MRPS27: variants seen among roughly 807,000 people sequenced by gnomAD.
MRPS27 encodes the protein small ribosomal subunit protein mS27.
In MRPS27, 43 loss-of-function variants were observed where a neutral mutation model predicts 48.9. The observed-to-expected ratio is 0.88, with a 90% CI of 0.69 to 1.13. The LOEUF is 1.13. MRPS27 is among the 50% of genes most tolerant of loss of function. The probability of loss-of-function intolerance (pLI) is 0.00; values close to 1 mark genes in which losing one functional copy is unlikely to be tolerated. For synonymous variants in MRPS27, 188 were observed against 171.9 expected, an observed-to-expected ratio of 1.09 and a Z score of -0.73; for missense variants, 467 against 476.3, an observed-to-expected ratio of 0.98 and a Z score of 0.18.
intron 4 of MRPS27, among the ~76,000 whole-genome samples, chr5:72,265,635 A>C (rs1229636331): frequency 6.6e-6 from 1 of 152,246 alleles, no homozygotes; most frequent in Non-Finnish European, 1.5e-5. Flanking sequence ...CTTCTAAGCC[A>C]GTAAATGATA....
intron 4 of MRPS27, among the ~76,000 whole-genome samples, chr5:72,274,268 C>T (rs1406059631): frequency 6.6e-6 from 1 of 152,192 alleles, no homozygotes; most frequent in Non-Finnish European, 1.5e-5. Context: ...GCAGGAGAAT[C>T]GCTTGAACCC....
rs192050262 is a variant in MRPS27 at position 72,273,444 on chromosome 5, A to C, written c.281+22087T>G. Among the ~76,000 whole-genome samples the C allele has an allele frequency of 1.1e-3, 170 of 152,318 alleles. 2 individuals are homozygous for C. The highest frequency in any genetic ancestry group is 2.8e-4 in the Non-Finnish European group (19 of 68,032). ...CTCACTCTCTGAGAAATGTGTTGTT[A>C]GTGATTTTGTTGTGTGAACATCACA... On this transcript the variant is annotated intron_variant, in intron 4 of 10. Coordinates refer to ENST00000261413, the MANE Select transcript of MRPS27 (RefSeq NM_015084.3).
Position 72,228,283 on chromosome 5 carries a change from T to C in MRPS27, c.677A>G (p.Tyr226Cys). The C allele has an allele frequency of 2.5e-6, 4 of 1,613,154 alleles. No individual in the cohort carries two copies. Among genetic ancestry groups the C allele is most frequent in the Non-Finnish European group, 3.4e-6 (4 of 1,179,222 alleles). Residue 226 changes from tyrosine (Y) to cysteine (C), a missense_variant, in exon 8 of 11, where the codon TAT (tyrosine) becomes TGT (cysteine). Tyr to Cys is a radical substitution (Grantham distance 194). Coordinates refer to ENST00000261413, the MANE Select transcript of MRPS27 (RefSeq NM_015084.3). ...TAGCTTACCAAGAAGTGCATAGCCA[T>C]ACAACTGGGAACTGAAACCCACTGA... is the stretch of plus-strand genomic sequence containing the variant. ...KNSVGFSSQL[Y>C]GYALLGKVEL...
chr5:72,306,440 A>G (rs1750270701), intron 2 of MRPS27, among the ~76,000 whole-genome samples: 1 of 152,196 alleles, frequency 6.6e-6, no homozygotes, highest in Non-Finnish European at 1.5e-5. Flanking sequence ...TTCTCCAACT[A>G]CCAGTTTCAC....
chr5:72,260,261 T>C (rs1323981772), intron 4 of MRPS27, among the ~76,000 whole-genome samples: 2 of 152,222 alleles, frequency 1.3e-5, no homozygotes, highest in Non-Finnish European at 2.9e-5. Context: ...CACAAATATT[T>C]CCTTATTGAA....
chr5:72,258,396 C>G, intron 4 of MRPS27, among the ~76,000 whole-genome samples: 1 of 152,108 alleles, frequency 6.6e-6, no homozygotes, highest in East Asian at 1.9e-4. Context: ...TATGAATCAC[C>G]TTGTTTTCAT....
intron 4 of MRPS27, among the ~76,000 whole-genome samples, chr5:72,284,639 A>G (rs534410810): frequency 1.3e-5 from 2 of 152,306 alleles, no homozygotes; most frequent in African/African-American, 4.8e-5. Flanking sequence ...AAAGAAACCA[A>G]TGTTACCAGT....
At chr5:72,264,045 G>A (rs1401439235) in intron 4 of MRPS27, among the ~76,000 whole-genome samples, 1 of 152,004 alleles carries the variant, frequency 6.6e-6, no homozygotes, top group Non-Finnish European at 1.5e-5. Context: ...TACATACAAA[G>A]GAATATTATT....
At chr5:72,284,642 T>A (rs1216131807) in intron 4 of MRPS27, among the ~76,000 whole-genome samples, 2 of 152,168 alleles carry the variant, frequency 1.3e-5, no homozygotes. Context: ...GAAACCAATG[T>A]TACCAGTTTT....
At chr5:72,229,737 C>G (rs1748003627) in intron 7 of MRPS27, among the ~76,000 whole-genome samples, 1 of 152,056 alleles carries the variant, frequency 6.6e-6, no homozygotes, top group African/African-American at 2.4e-5. Context: ...TAAAGGACTT[C>G]AAAAAAGATG....
chr5:72,275,205 C>G (rs757758484), intron 4 of MRPS27, among the ~76,000 whole-genome samples: 1 of 152,078 alleles, frequency 6.6e-6, no homozygotes, highest in Non-Finnish European at 1.5e-5. Flanking sequence ...AATCAATGCA[C>G]AAAAATCACA....
At chr5:72,223,278 GTGGCATTATAGTGTCTAAC>G (rs1747801065) in intron 10 of MRPS27, among the ~76,000 whole-genome samples, 2 of 152,210 alleles carry the variant, frequency 1.3e-5, no homozygotes, top group African/African-American at 4.8e-5. Flanking sequence ...ACACTCAAAT[GTGGCATTATAGTGTCTAAC>G]TGGGTTTTTA....
intron 4 of MRPS27, among the ~76,000 whole-genome samples, chr5:72,258,858 C>G (rs1051935909): frequency 6.6e-6 from 1 of 152,168 alleles, no homozygotes; most frequent in Non-Finnish European, 1.5e-5. Flanking sequence ...AATAAAATAG[C>G]TTAGCTATAG....
intron 4 of MRPS27, among the ~76,000 whole-genome samples, chr5:72,278,186 T>C (rs1749431712): frequency 6.6e-6 from 1 of 152,174 alleles, no homozygotes; most frequent in Admixed American, 6.5e-5. Context: ...CTCATGCCTG[T>C]AATCCCAGCA....
chr5:72,256,252 G>T (rs1320985898), intron 4 of MRPS27, among the ~76,000 whole-genome samples: 2 of 152,092 alleles, frequency 1.3e-5, no homozygotes, highest in Non-Finnish European at 2.9e-5. Flanking sequence ...TCACCTACAG[G>T]CTTATGCAGA....
chr5:72,244,809 G>A (rs568262750), intron 4 of MRPS27, among the ~76,000 whole-genome samples: 7 of 152,032 alleles, frequency 4.6e-5, no homozygotes, highest in African/African-American at 1.7e-4. Flanking sequence ...CTATCTTAAA[G>A]ATGACATCTC....
chr5:72,270,197 A>G (rs1197094162), intron 4 of MRPS27, among the ~76,000 whole-genome samples: 2 of 24,642 alleles, frequency 8.1e-5, no homozygotes, highest in East Asian at 2.9e-3. Flanking sequence ...CCATCTCAAT[A>G]ATAATAATAA....
intron 4 of MRPS27, among the ~76,000 whole-genome samples, chr5:72,259,031 C>T (rs924201814): frequency 6.6e-6 from 1 of 152,154 alleles, no homozygotes; most frequent in Non-Finnish European, 1.5e-5. Flanking sequence ...TCCCCCTCCC[C>T]CAACCATGGT....
rs13184947 is a variant in MRPS27, at chr5:72,298,738, A to C, written c.152-1036T>G. Among the ~76,000 whole-genome samples, 735 of 151,260 alleles carry C rather than the reference A, an allele frequency of 4.9e-3. 7 individuals are homozygous for C. The highest frequency in any genetic ancestry group is 0.017 in the African/African-American group (705 of 41,224). ...AAAAAAAAAAACAAAAAAAAAAAAAACAGAGCTACCATTTGATTCAGCAAT... is the reference window on the plus strand; with the variant it reads ...AAAAAAAAAAACAAAAAAAAAAAAACCAGAGCTACCATTTGATTCAGCAAT... On this transcript the variant is annotated intron_variant, in intron 2 of 10. Transcript: ENST00000261413.
Sources: allele counts gnomAD v4.1 joint callset (sites outside exome capture counted in the v4.1 genomes callset), GRCh38; gene constraint gnomAD v4.1.1; transcripts MANE v1.5; gene names NCBI Gene and HGNC (gene_info 2026-07-23, HGNC 2026-07-21).